PPP1R9A: variants seen among roughly 807,000 people sequenced by gnomAD.
The protein encoded by PPP1R9A is protein phosphatase 1 regulatory subunit 9A.
A neutral mutation model predicts 141.9 loss-of-function variants in PPP1R9A; 59 were observed. The ratio of observed to expected loss-of-function variants is 0.42; its 90% CI spans 0.34 to 0.52. The LOEUF is 0.52. PPP1R9A is among the 20% of genes least tolerant of loss of function. PPP1R9A has a pLI of 0.10. For missense variants in PPP1R9A, 1,444 were observed against 1,611.9 expected (o/e 0.90, Z 1.78); for synonymous variants, 500 against 569.7 (o/e 0.88, Z 1.74).
intron 5 of PPP1R9A, among the ~76,000 whole-genome samples, chr7:95,169,650 A>G (rs941545841): frequency 6.6e-6 from 1 of 151,928 alleles, no homozygotes; most frequent in Non-Finnish European, 1.5e-5. Flanking sequence ...TCCCATAAAT[A>G]TGTACAAATG....
intron 2 of PPP1R9A, among the ~76,000 whole-genome samples, chr7:95,079,747 A>G (rs189268749): frequency 0.027 from 4,113 of 152,328 alleles, 183 homozygotes; most frequent in African/African-American, 0.094. Context: ...CACCATGATC[A>G]AGTGGGCTTC....
At position 95,226,106 on chromosome 7, in the gene PPP1R9A, A is replaced by T; in HGVS notation, c.2102A>T (p.Lys701Met). Residue 701 changes from lysine to methionine, a missense_variant, in exon 8 of 20, where the codon AAG becomes ATG. Lys to Met is a moderately conservative substitution (Grantham distance 95). Transcript: ENST00000433360. ...SELDTSKLSH[K>M]FKELQIKHAV... The stretch of plus-strand genomic sequence containing the variant: ...CTGGACACAAGCAAGCTCAGTCACA[A>T]GTTCAAAGAGGTATGCCACTAAGCT... 6.2e-7 allele frequency: 1 copy of T among 1,612,580 alleles called. No homozygotes were observed. The highest frequency in any genetic ancestry group is 8.5e-7 in the Non-Finnish European group (1 of 1,178,882).
At chr7:95,131,855 A>G (rs970512358) in intron 4 of PPP1R9A, among the ~76,000 whole-genome samples, 3 of 152,032 alleles carry the variant, frequency 2.0e-5, no homozygotes, top group Non-Finnish European at 2.9e-5. Context: ...GTTGTCATCT[A>G]TAATTTCTTT....
Position 95,290,421 on chromosome 7 carries a change from C to A in PPP1R9A, c.*118C>A. Reference sequence around the variant, plus strand: ...ATGATAAGGGTAATGCGGCTCTAGGCCGGCTGAGGAACTGTGTGTTGAATA... The same window carrying A: ...ATGATAAGGGTAATGCGGCTCTAGGACGGCTGAGGAACTGTGTGTTGAATA... On this transcript the variant is annotated 3_prime_UTR_variant, in exon 20 of 20. Transcript: ENST00000433360. 1 of 1,158,212 alleles carries A rather than the reference C, an allele frequency of 8.6e-7. No individual in the cohort carries two copies. The highest frequency in any genetic ancestry group is 1.2e-6 in the Non-Finnish European group (1 of 837,026). The allele number at this position is 1,158,212 out of a possible 1,614,324, so 71.7% of individuals were successfully genotyped here.
chr7:95,272,947 G>A (rs529321219), intron 14 of PPP1R9A, among the ~76,000 whole-genome samples: 16 of 152,252 alleles, frequency 1.1e-4, no homozygotes, highest in African/African-American at 3.6e-4. Context: ...ATTTAAAACA[G>A]CATTTGTTAA....
In PPP1R9A at chr7:95,088,505, G is replaced by A. The variant is rs144750336; in HGVS notation, c.1396-22754G>A. ...AGATAGTAGAGGAAAAATCACACCC[G>A]TGATTGCAAATGCTTGTGTTAACTG... On this transcript the variant is annotated intron_variant, in intron 2 of 19. Transcript: ENST00000433360. Among the ~76,000 whole-genome samples, 989 of 152,058 alleles carry A rather than the reference G, an allele frequency of 6.5e-3. 22 individuals are homozygous for A. Among genetic ancestry groups the A allele is most frequent in the African/African-American group, 0.023 (941 of 41,368 alleles).
chr7:95,037,454 A>T (rs1436954242), intron 2 of PPP1R9A, among the ~76,000 whole-genome samples: 5 of 152,188 alleles, frequency 3.3e-5, no homozygotes, highest in Admixed American at 3.3e-4. Context: ...TTAGGACCAC[A>T]TGTGTTATGA....
Position 95,008,971 on chromosome 7 carries a change from G to A in PPP1R9A, c.1395+97463G>A, listed in dbSNP as rs538293952. Among the ~76,000 whole-genome samples, 10 of 152,180 alleles carry A rather than the reference G, an allele frequency of 6.6e-5. No homozygotes were observed. In the South Asian group the frequency reaches 1.2e-3, roughly 19 times the overall value. On this transcript the variant is annotated intron_variant, in intron 2 of 19. Coordinates refer to ENST00000433360, the MANE Select transcript of PPP1R9A (RefSeq NM_001166160.2). ...GTACACCATGGAATACTATGCAGCCGTAAAAAAGGTTGAGTTCATGTCCTT... is the reference window on the plus strand; with the variant it reads ...GTACACCATGGAATACTATGCAGCCATAAAAAAGGTTGAGTTCATGTCCTT...
At chr7:94,924,998 C>T (rs1361426742) in intron 2 of PPP1R9A, among the ~76,000 whole-genome samples, 1 of 152,074 alleles carries the variant, frequency 6.6e-6, no homozygotes, top group Non-Finnish European at 1.5e-5. Context: ...TTTTCCATAT[C>T]CTATATTTAA....
chr7:95,224,761 C>A (rs1199754596), intron 7 of PPP1R9A, among the ~76,000 whole-genome samples: 1 of 151,480 alleles, frequency 6.6e-6, no homozygotes, highest in Admixed American at 6.6e-5. Flanking sequence ...GAATATAATA[C>A]AGAATCAAAA....
At position 94,998,295 on chromosome 7, in the gene PPP1R9A, G is replaced by A. The variant is rs1802440510; in HGVS notation, c.1395+86787G>A. Among the ~76,000 whole-genome samples, 6 of 152,246 alleles carry A rather than the reference G, an allele frequency of 3.9e-5. No individual in the cohort carries two copies. In the South Asian group the frequency reaches 1.2e-3, roughly 32 times the overall value. ...CTGTTGGTCTCTACCTAACACCAAA[G>A]CAATCTGGTACTCCCAAAAATAAAA... On this transcript the variant is annotated intron_variant, in intron 2 of 19. Coordinates refer to ENST00000433360, the MANE Select transcript of PPP1R9A (RefSeq NM_001166160.2).
intron 4 of PPP1R9A, among the ~76,000 whole-genome samples, chr7:95,130,716 C>T (rs1157001101): frequency 6.6e-6 from 1 of 152,156 alleles, no homozygotes; most frequent in African/African-American, 2.4e-5. Context: ...ACCACAGGAA[C>T]CCACCTCTTA....
At chr7:95,120,977 G>A in intron 4 of PPP1R9A, 145 bp downstream of exon 4, 1 of 1,104,180 alleles carries the variant, frequency 9.1e-7, no homozygotes. Flanking sequence ...TTAAACACTT[G>A]AATTATTTTC....
At chr7:95,178,804 A>G (rs961559020) in intron 5 of PPP1R9A, among the ~76,000 whole-genome samples, 8 of 152,176 alleles carry the variant, frequency 5.3e-5, no homozygotes, top group African/African-American at 1.9e-4. Context: ...TTTGTAAGAT[A>G]CAACCCTCCT....
intron 2 of PPP1R9A, among the ~76,000 whole-genome samples, chr7:94,949,190 C>G (rs907150579): frequency 6.6e-6 from 1 of 152,084 alleles, no homozygotes; most frequent in Non-Finnish European, 1.5e-5. Context: ...TGTGTGTGAG[C>G]TTGGCTGGGC....
chr7:94,968,152 T>C (rs1003409987), intron 2 of PPP1R9A, among the ~76,000 whole-genome samples: 2 of 152,146 alleles, frequency 1.3e-5, no homozygotes, highest in African/African-American at 4.8e-5. Context: ...TTGATCCCTA[T>C]ACCATTATGT....
chr7:94,963,463 C>T (rs1797864869), intron 2 of PPP1R9A, among the ~76,000 whole-genome samples: 1 of 152,152 alleles, frequency 6.6e-6, no homozygotes, highest in African/African-American at 2.4e-5. Flanking sequence ...CCCTGGCTCA[C>T]ATTAGCCACA....
intron 2 of PPP1R9A, among the ~76,000 whole-genome samples, chr7:95,023,661 C>G (rs1185556096): frequency 6.6e-6 from 1 of 152,180 alleles, no homozygotes; most frequent in Non-Finnish European, 1.5e-5. Context: ...TCACGCCATT[C>G]TCCTGCCTCC....
chr7:94,965,873 T>C (rs2151171913), intron 2 of PPP1R9A, among the ~76,000 whole-genome samples: 1 of 152,276 alleles, frequency 6.6e-6, no homozygotes, highest in East Asian at 1.9e-4. Flanking sequence ...AATGGTAGCT[T>C]GATGGGGATG....
Sources: allele counts gnomAD v4.1 joint callset (sites outside exome capture counted in the v4.1 genomes callset), GRCh38; gene constraint gnomAD v4.1.1; transcripts MANE v1.5; gene names NCBI Gene and HGNC (gene_info 2026-07-23, HGNC 2026-07-21).